SLC14A2: variants seen among roughly 807,000 people sequenced by gnomAD.
SLC14A2 encodes urea transporter 2.
Under a neutral mutation model 104.6 loss-of-function variants are expected in SLC14A2, and 91 were observed. The observed-to-expected ratio is 0.87, with a 90% confidence interval of 0.73 to 1.04. The LOEUF is 1.04. Among genes scored for constraint, SLC14A2 ranks in the 50% least tolerant of loss-of-function variants. SLC14A2 has a pLI of 0.00. For synonymous variants in SLC14A2, 476 were observed against 466.4 expected, an observed-to-expected ratio of 1.02 and a Z score of -0.27; for missense variants, 1,189 against 1,156.0, an observed-to-expected ratio of 1.03 and a Z score of -0.41.
At chr18:45,186,496 C>T in the SLC14A2 span, among the ~76,000 whole-genome samples, 5 of 152,116 alleles carry the variant, frequency 3.3e-5, no homozygotes, top group East Asian at 3.8e-4. Context: ...TAGAAGAAAA[C>T]GTAGGGGAAA....
chr18:45,225,013 A>G (rs2084100277), intron 1 of SLC14A2, among the ~76,000 whole-genome samples: 4 of 152,172 alleles, frequency 2.6e-5, no homozygotes, highest in African/African-American at 9.7e-5. Flanking sequence ...CCATTTGTCA[A>G]TTTTGGCTTT....
chr18:45,423,431 G>A (rs532144410), intron 1 of SLC14A2, among the ~76,000 whole-genome samples: 1 of 152,294 alleles, frequency 6.6e-6, no homozygotes, highest in South Asian at 2.1e-4. Flanking sequence ...TTCTGCAGGG[G>A]CTCAGAGTGG....
At chr18:45,287,762 C>G (rs544731427) in intron 1 of SLC14A2, among the ~76,000 whole-genome samples, 6 of 152,294 alleles carry the variant, frequency 3.9e-5, no homozygotes, top group East Asian at 3.9e-4. Flanking sequence ...TCGAGCCATT[C>G]GGGCAGCATT....
At chr18:45,247,637 C>T (rs971716970) in intron 1 of SLC14A2, among the ~76,000 whole-genome samples, 2 of 151,456 alleles carry the variant, frequency 1.3e-5, no homozygotes, top group Non-Finnish European at 2.9e-5. Context: ...ACCCCCTGAA[C>T]AAACTGGACC....
rs71177672 is a variant in SLC14A2, at chr18:45,235,813, GTATA to G, written c.-125+22637_-125+22640del. Among the ~76,000 whole-genome samples, 81 of 93,456 alleles carry G rather than the reference GTATA, an allele frequency of 8.7e-4. 10 individuals carry two copies. The highest frequency in any genetic ancestry group is 1.4e-3 in the African/African-American group (25 of 17,886). 61.3% of individuals were successfully genotyped at this position (93,456 alleles called of 152,430 possible). ...TGTATGCGCGTGTGTGTGTGTGTGT[GTATA>G]TATATATATATATACGTGTATATAT... On this transcript the variant is annotated intron_variant, in intron 1 of 20. Coordinates refer to the SLC14A2 transcript ENST00000586448.
At chr18:45,448,139 A>T (rs1297473164) in intron 1 of SLC14A2, among the ~76,000 whole-genome samples, 1 of 152,246 alleles carries the variant, frequency 6.6e-6, no homozygotes, top group Non-Finnish European at 1.5e-5. Context: ...CTAGGCAAAA[A>T]GGGTGCCTTG....
intron 2 of SLC14A2, among the ~76,000 whole-genome samples, chr18:45,494,935 C>CACACACAT (rs2043067574): frequency 1.3e-5 from 2 of 151,444 alleles, no homozygotes; most frequent in African/African-American, 4.9e-5. Flanking sequence ...CACACACACA[C>CACACACAT]ACACATCCTT....
chr18:45,581,771 T>C (rs2044496755), intron 2 of SLC14A2, among the ~76,000 whole-genome samples: 1 of 152,212 alleles, frequency 6.6e-6, no homozygotes, highest in Admixed American at 6.5e-5. Context: ...GAGTCCCGAA[T>C]GACCCTAGAG....
chr18:45,278,866 C>A (rs975796366), intron 1 of SLC14A2, among the ~76,000 whole-genome samples: 2 of 152,202 alleles, frequency 1.3e-5, no homozygotes, highest in Non-Finnish European at 2.9e-5. Flanking sequence ...CTTTTCTAAA[C>A]AGCGTGGTTG....
intron 1 of SLC14A2, among the ~76,000 whole-genome samples, chr18:45,341,595 C>CT (rs376534367): frequency 0.056 from 4,622 of 83,128 alleles, 883 homozygotes; most frequent in African/African-American, 0.097. Context: ...TCTAGTATTA[C>CT]TTTTTTTTTT....
At chr18:45,379,259 A>T (rs1014159976) in intron 1 of SLC14A2, among the ~76,000 whole-genome samples, 2 of 152,214 alleles carry the variant, frequency 1.3e-5, no homozygotes, top group Non-Finnish European at 2.9e-5. Context: ...ACATTGTTGG[A>T]CAGCTTTCTA....
chr18:45,682,471 CAGA>C lies in SLC14A2; in HGVS notation c.2718_2720del (p.Arg907del). On this transcript the variant is annotated inframe_deletion, in exon 20 of 20. Coordinates refer to ENST00000255226, the MANE Select transcript of SLC14A2 (RefSeq NM_007163.4). The stretch of plus-strand genomic sequence containing the variant: ...TCTACTACCTGTCCCAGGAGAGAAA[CAGA>C]AGGGCATCAATCATAACAAAGTATC... 1.2e-6 allele frequency: 2 copies of C among 1,614,210 alleles called. No homozygotes were observed.
rs60977948 is a variant in SLC14A2 at position 45,542,035 on chromosome 18, G to GTTTTTTTTTTTTTTTTTTTTT, written c.-35+58730_-35+58750dup. Among the ~76,000 whole-genome samples, 11 of 54,234 alleles carry GTTTTTTTTTTTTTTTTTTTTT rather than the reference G, an allele frequency of 2.0e-4. 2 individuals are homozygous for GTTTTTTTTTTTTTTTTTTTTT. Among genetic ancestry groups the GTTTTTTTTTTTTTTTTTTTTT allele is most frequent in the African/African-American group, 2.5e-4 (4 of 16,068 alleles). The allele number at this position is 54,234 out of a possible 152,430, so 35.6% of individuals were successfully genotyped here. On this transcript the variant is annotated intron_variant, in intron 2 of 20. Transcript: ENST00000586448. ...GGGCTTGTTAGATGAAAGAGAGAGG[G>GTTTTTTTTTTTTTTTTTTTTT]TTTTTTTTTTTTTTTTTTTTTTTTT...
rs143914164 is a variant in SLC14A2 at position 45,464,326 on chromosome 18, G to A, written c.-124-18907G>A. 4.6e-5 allele frequency among the ~76,000 whole-genome samples: 7 copies of A among 152,268 alleles called. No homozygotes were observed. The East Asian group carries it at 1.4e-3, about 29-fold the overall frequency. ...TAAATAACCTCACAAGTCTCTGTCAGCTCTGAAACCCCATGGACCTCTGAG... is the reference window on the plus strand; with the variant it reads ...TAAATAACCTCACAAGTCTCTGTCAACTCTGAAACCCCATGGACCTCTGAG... On this transcript the variant is annotated intron_variant, in intron 1 of 20. Coordinates refer to the SLC14A2 transcript ENST00000586448.
chr18:45,667,969 C>A lies in SLC14A2; in HGVS notation c.1854C>A (p.Gly618=), dbSNP rs1010136691. The A allele has an allele frequency of 5.0e-6, 8 of 1,614,138 alleles. No homozygotes were observed. Among genetic ancestry groups the A allele is most frequent in the Non-Finnish European group, 6.8e-6 (8 of 1,180,002 alleles). The change falls in exon 14 of 20, where the codon GGC becomes GGA. Residue 618 remains glycine (G), a synonymous_variant. Transcript: ENST00000255226. ...FIQNPWWAIS[G]CLGTIMSTLT... ...AGAACCCCTGGTGGGCGATCTCAGG[C>A]TGCCTGGGTACCATCATGTCCACCT...
intron 2 of SLC14A2, among the ~76,000 whole-genome samples, chr18:45,533,472 A>T (rs903426955): frequency 6.6e-5 from 10 of 152,150 alleles, no homozygotes; most frequent in African/African-American, 2.4e-4. Flanking sequence ...CTAGATTTTC[A>T]AGTTGATTTG....
chr18:45,440,970 T>A (rs2086673282), intron 1 of SLC14A2, among the ~76,000 whole-genome samples: 2 of 152,136 alleles, frequency 1.3e-5, no homozygotes, highest in Admixed American at 1.3e-4. Flanking sequence ...GCCGTGTTCG[T>A]GCTTCATTGT....
intron 2 of SLC14A2, among the ~76,000 whole-genome samples, chr18:45,514,415 T>C (rs1418471439): frequency 6.6e-6 from 1 of 152,154 alleles, no homozygotes; most frequent in African/African-American, 2.4e-5. Flanking sequence ...ACCACCCCCA[T>C]GATCTAATCA....
chr18:45,209,880 CT>C (rs2083947886), upstream of SLC14A2, among the ~76,000 whole-genome samples: 1 of 152,194 alleles, frequency 6.6e-6, no homozygotes. Context: ...CCTCTAATAT[CT>C]CAGGAAATTA....
Sources: allele counts gnomAD v4.1 joint callset (sites outside exome capture counted in the v4.1 genomes callset), GRCh38; gene constraint gnomAD v4.1.1; transcripts MANE v1.5; gene names NCBI Gene and HGNC (gene_info 2026-07-23, HGNC 2026-07-21).